Variants in KCNK5 observed in about 807,000 individuals in gnomAD.
KCNK5 encodes potassium two pore domain channel subfamily K member 5.
Under a neutral mutation model 32.9 loss-of-function variants are expected in KCNK5, and 18 were observed. That is an observed-to-expected ratio of 0.55 (90% confidence interval 0.38 to 0.81). The LOEUF is 0.81. KCNK5 is among the 30% of genes least tolerant of loss of function. The pLI is 0.00. For synonymous variants in KCNK5, 276 were observed against 275.3 expected (o/e 1.00, Z -0.03); for missense variants, 507 against 651.0 (o/e 0.78, Z 2.41).
At position 39,208,606 on chromosome 6, in the gene KCNK5, A is replaced by C. The variant is rs542284630; in HGVS notation, c.187-12619T>G. ...GCTGGCCTCCATCCTCTCTGGAATA[A>C]ATTGTATAAGAAACTACCAGCAAAC... On this transcript the variant is annotated intron_variant, in intron 1 of 4. Coordinates refer to ENST00000359534, the MANE Select transcript of KCNK5 (RefSeq NM_003740.4). 1.4e-4 allele frequency among the ~76,000 whole-genome samples: 22 copies of C among 152,358 alleles called. 1 individual carries two copies. The South Asian group carries it at 4.3e-3, about 30-fold the overall frequency.
At chr6:39,217,520 C>T (rs1249327605) in intron 1 of KCNK5, among the ~76,000 whole-genome samples, 9 of 152,192 alleles carry the variant, frequency 5.9e-5, no homozygotes, top group Non-Finnish European at 1.2e-4. Context: ...TAATTGCCCC[C>T]ACTTAGCTCT....
intron 1 of KCNK5, among the ~76,000 whole-genome samples, chr6:39,213,828 C>T (rs939522416): frequency 6.6e-6 from 1 of 152,006 alleles, no homozygotes; most frequent in Non-Finnish European, 1.5e-5. Context: ...TTTTCCAGAC[C>T]AGCCTGGCCA....
intron 1 of KCNK5, among the ~76,000 whole-genome samples, chr6:39,203,575 G>A (rs904497845): frequency 7.2e-5 from 11 of 152,210 alleles, no homozygotes; most frequent in African/African-American, 2.7e-4. Context: ...CTCCCCAGGT[G>A]AGGCTGAGGC....
intron 1 of KCNK5, among the ~76,000 whole-genome samples, chr6:39,209,724 C>A (rs528607775): frequency 6.6e-6 from 1 of 152,230 alleles, no homozygotes; most frequent in Non-Finnish European, 1.5e-5. Flanking sequence ...ATTTTAAGCA[C>A]AGACGTTTCC....
chr6:39,190,206 A>G lies in KCNK5; in HGVS notation c.*684T>C, dbSNP rs1770896269. On this transcript the variant is annotated 3_prime_UTR_variant, in exon 5 of 5. Coordinates refer to ENST00000359534, the MANE Select transcript of KCNK5 (RefSeq NM_003740.4). ...GGAACACAGCTCTGGGCTGGGCCTG[A>G]GTAGACCAACAAGGAGGATGAGGAC... 6.6e-6 allele frequency: 1 copy of G among 152,288 alleles called. No homozygotes were observed. Among genetic ancestry groups the G allele is most frequent in the South Asian group, 2.1e-4 (1 of 4,824 alleles). 9.4% of individuals were successfully genotyped at this position (152,288 alleles called of 1,614,324 possible).
chr6:39,214,118 T>C (rs1161906240), intron 1 of KCNK5, among the ~76,000 whole-genome samples: 1 of 152,174 alleles, frequency 6.6e-6, no homozygotes, highest in African/African-American at 2.4e-5. Flanking sequence ...TCTCAGAGCA[T>C]TCCAAAAAGA....
intron 2 of KCNK5, among the ~76,000 whole-genome samples, chr6:39,195,509 G>A (rs1049164647): frequency 2.6e-5 from 4 of 152,228 alleles, no homozygotes; most frequent in Admixed American, 6.5e-5. Context: ...AAGAAGCTGC[G>A]TTCTGAGCCA....
At chr6:39,193,329 G>A (rs1271554737) in intron 4 of KCNK5, among the ~76,000 whole-genome samples, 2 of 152,156 alleles carry the variant, frequency 1.3e-5, no homozygotes, top group African/African-American at 2.4e-5. Flanking sequence ...TCTCTTTCCT[G>A]TTCCTCCCCC....
At chr6:39,226,771 T>C (rs1374346801) in intron 1 of KCNK5, among the ~76,000 whole-genome samples, 2 of 152,220 alleles carry the variant, frequency 1.3e-5, no homozygotes, top group Non-Finnish European at 1.5e-5. Context: ...CAAATGCTTC[T>C]ACTTGTCCAT....
At chr6:39,228,829 T>C in intron 1 of KCNK5, 97 bp downstream of exon 1, 15 of 1,232,840 alleles carry the variant, frequency 1.2e-5, no homozygotes, top group Non-Finnish European at 1.6e-5. Flanking sequence ...CCACAGGGAC[T>C]GAGGGTCACC....
chr6:39,190,707 A>T lies in KCNK5; in HGVS notation c.*183T>A. On this transcript the variant is annotated 3_prime_UTR_variant, in exon 5 of 5. Coordinates refer to ENST00000359534, the MANE Select transcript of KCNK5 (RefSeq NM_003740.4). ...CCAGGGTATGGTTCAGCTGGAGAAC[A>T]GAGGCCCTGTCCCGGGCATACATCT... The T allele has an allele frequency of 1.9e-6, 1 of 540,272 alleles. No individual in the cohort carries two copies. The highest frequency in any genetic ancestry group is 1.9e-5 in the African/African-American group (1 of 52,712). 33.5% of individuals were successfully genotyped at this position (540,272 alleles called of 1,614,324 possible). A position where few individuals can be genotyped will look rare whatever the true frequency, so the allele number is the denominator to read the frequency against.
chr6:39,194,336 C>T lies in KCNK5; in HGVS notation c.467G>A (p.Arg156Gln), dbSNP rs760654269. 12 of 1,599,800 alleles carry T rather than the reference C, an allele frequency of 7.5e-6. No individual in the cohort carries two copies. Among genetic ancestry groups the T allele is most frequent in the African/African-American group, 1.3e-5 (1 of 74,750 alleles). ...GACTGTGCACGTGATCTGCGCCTTC[C>T]GCTGATGGGGAGCAGGAGGCCAAGT... ...QFLTKRGVSL[R>Q]KAQITCTVIF... The change falls in exon 4 of 5, where the codon CGG (arginine) becomes CAG (glutamine). Residue 156 changes from arginine to glutamine, a missense_variant and splice_region_variant. Around this residue, in one of 6 missense-constraint regions of KCNK5, gnomAD observed 143 missense variants for 219.1 expected, o/e 0.65. Coordinates refer to ENST00000359534, the MANE Select transcript of KCNK5 (RefSeq NM_003740.4). This position sits in a 1 kb window ranked among gnomAD's most constrained non-coding sequence, Gnocchi z 4.7.
intron 1 of KCNK5, among the ~76,000 whole-genome samples, chr6:39,208,090 G>C (rs542597186): frequency 1.2e-4 from 18 of 152,264 alleles, no homozygotes; most frequent in South Asian, 1.0e-3. Flanking sequence ...TGTGCCTGTG[G>C]CTGGCAGCTT....
At chr6:39,211,691 C>T (rs999303341) in intron 1 of KCNK5, among the ~76,000 whole-genome samples, 5 of 152,192 alleles carry the variant, frequency 3.3e-5, no homozygotes, top group Non-Finnish European at 5.9e-5. Context: ...AGGCTGGGTG[C>T]GGTGGCTCAT....
chr6:39,195,221 G>A (rs1045659963), intron 2 of KCNK5, among the ~76,000 whole-genome samples: 5 of 152,178 alleles, frequency 3.3e-5, no homozygotes, highest in Non-Finnish European at 5.9e-5. Context: ...TCTAGGCAGC[G>A]GAAGAGACGC....
chr6:39,206,357 C>A (rs943535878), intron 1 of KCNK5, among the ~76,000 whole-genome samples: 1 of 152,230 alleles, frequency 6.6e-6, no homozygotes, highest in Non-Finnish European at 1.5e-5. Flanking sequence ...GCCTACGCTC[C>A]CTACCCCATT....
At chr6:39,212,095 C>T (rs564196642) in intron 1 of KCNK5, among the ~76,000 whole-genome samples, 45 of 152,276 alleles carry the variant, frequency 3.0e-4, no homozygotes, top group Middle Eastern at 3.4e-3. Context: ...TCAAGACCAG[C>T]CTAGCCAACA....
Position 39,229,123 on chromosome 6 carries a change from G to C in KCNK5, c.-12C>G. 6.2e-7 allele frequency: 1 copy of C among 1,613,252 alleles called. No homozygotes were observed. The highest frequency in any genetic ancestry group is 1.1e-5 in the South Asian group (1 of 91,044). On this transcript the variant is annotated 5_prime_UTR_variant, in exon 1 of 5. Transcript: ENST00000359534. ...CCCCGGTCCACCATGGCTCCCGAGC[G>C]GCCGCCTCCTAGAGAAAGCCTCTCC...
At chr6:39,214,315 A>G (rs770366118) in intron 1 of KCNK5, among the ~76,000 whole-genome samples, 4 of 152,216 alleles carry the variant, frequency 2.6e-5, no homozygotes, top group Admixed American at 1.3e-4. Context: ...TGACCTGTCC[A>G]AACAGAGCAG....
Sources: allele counts gnomAD v4.1 joint callset (sites outside exome capture counted in the v4.1 genomes callset), GRCh38; gene constraint gnomAD v4.1.1; regional missense constraint gnomAD v4.1.1; non-coding constraint Gnocchi (gnomAD v3.1); transcripts MANE v1.5; gene names NCBI Gene and HGNC (gene_info 2026-07-23, HGNC 2026-07-21).